TRAPPC11: variants seen among roughly 807,000 people sequenced by gnomAD.
TRAPPC11 encodes the protein trafficking protein particle complex subunit 11, also known as foie gras homolog.
In TRAPPC11, 104 loss-of-function variants were observed where a neutral mutation model predicts 151.2. That is an observed-to-expected ratio of 0.69 (90% CI 0.59 to 0.81). The LOEUF (loss-of-function observed/expected upper bound fraction) is 0.81, where lower values mean the gene tolerates loss of function less well. TRAPPC11 is among the 30% of genes least tolerant of loss of function. TRAPPC11 has a pLI of 0.00. For synonymous variants in TRAPPC11, 456 were observed against 472.3 expected, an observed-to-expected ratio of 0.97 and a Z score of 0.45; for missense variants, 1,230 against 1,349.6, an observed-to-expected ratio of 0.91 and a Z score of 1.39.
chr4:183,675,367 T>A (rs939498323), intron 7 of TRAPPC11, 130 bp downstream of exon 7: 3 of 460,008 alleles, frequency 6.5e-6, no homozygotes, highest in East Asian at 3.6e-5. Flanking sequence ...TAGGAATTAG[T>A]GTAGAGATGA....
rs766663316 is a variant in TRAPPC11, at chr4:183,693,110, G to A, written c.2200G>A (p.Val734Ile). Residue 734 changes from valine (V) to isoleucine (I), a missense_variant, in exon 20 of 30, where the codon GTT (valine) becomes ATT (isoleucine). Transcript: ENST00000334690. ...KRRPKLPDNE[V>I]HWDSIIIQAS... Reference sequence around the variant, plus strand: ...GCGACCTAAGCTACCTGACAATGAAGTTCACTGGGACAGCATTATAATTCA... The same window carrying A: ...GCGACCTAAGCTACCTGACAATGAAATTCACTGGGACAGCATTATAATTCA... 1.9e-6 allele frequency: 3 copies of A among 1,611,714 alleles called. No homozygotes were observed. The highest frequency in any genetic ancestry group is 2.7e-5 in the African/African-American group (2 of 74,866).
At chr4:183,682,696 A>G in intron 10 of TRAPPC11, 36 bp from the exon 11 acceptor site, 1 of 1,484,120 alleles carries the variant, frequency 6.7e-7, no homozygotes, top group Non-Finnish European at 9.2e-7. Context: ...GATGAGTTCC[A>G]TAAACTATTA....
chr4:183,660,776 C>T (rs548826098), intron 1 of TRAPPC11, among the ~76,000 whole-genome samples: 3 of 152,282 alleles, frequency 2.0e-5, no homozygotes, highest in South Asian at 2.1e-4. Flanking sequence ...TGCAGTGGTG[C>T]GATCTCGGCT....
At chr4:183,670,339 C>T (rs1735091912) in intron 5 of TRAPPC11, among the ~76,000 whole-genome samples, 1 of 152,160 alleles carries the variant, frequency 6.6e-6, no homozygotes, top group Admixed American at 6.5e-5. Context: ...AGGCAAAATA[C>T]AGGAGTTGTC....
intron 1 of TRAPPC11, among the ~76,000 whole-genome samples, chr4:183,663,376 GGCGCC>G (rs1734660597): frequency 6.6e-6 from 1 of 152,114 alleles, no homozygotes; most frequent in East Asian, 1.9e-4. Context: ...TGGGACTACA[GGCGCC>G]CACCACCACG....
intron 3 of TRAPPC11, 60 bp downstream of exon 3, chr4:183,666,486 A>C (rs1415420974): frequency 6.5e-7 from 1 of 1,541,960 alleles, no homozygotes; most frequent in East Asian, 2.3e-5. Context: ...ATTCACTAAC[A>C]TTCCTTGAAG....
intron 23 of TRAPPC11, among the ~76,000 whole-genome samples, chr4:183,694,945 CTTTT>C (rs34556587): frequency 8.3e-6 from 1 of 119,856 alleles, no homozygotes; most frequent in Non-Finnish European, 1.7e-5. Context: ...TATGGCTTTT[CTTTT>C]TTTTTTTTTT....
intron 5 of TRAPPC11, among the ~76,000 whole-genome samples, chr4:183,669,472 A>C (rs1039393210): frequency 2.0e-5 from 3 of 152,258 alleles, no homozygotes; most frequent in Admixed American, 2.0e-4. Flanking sequence ...ATGCTTTCAT[A>C]GTCATGCCCA....
At position 183,693,965 on chromosome 4, in the gene TRAPPC11, C is replaced by T. The variant is rs1207107309; in HGVS notation, c.2435C>T (p.Thr812Ile). 2.5e-6 allele frequency: 4 copies of T among 1,613,928 alleles called. No individual in the cohort carries two copies. The highest frequency in any genetic ancestry group is 3.3e-5 in the Admixed American group (2 of 59,996). ...TQKTHVTLHG[T>I]ELCDESYPAL... is the part of the protein sequence containing the mutation. ...AAGACTCACGTGACTCTTCATGGAACAGAACTGTGTGATGAATCCTACCCG... is the reference window on the plus strand; with the variant it reads ...AAGACTCACGTGACTCTTCATGGAATAGAACTGTGTGATGAATCCTACCCG... The change falls in exon 22 of 30, where the codon ACA becomes ATA. Residue 812 changes from threonine (T) to isoleucine (I), a missense_variant. By Grantham distance (89) the Thr-to-Ile change is moderately conservative. Coordinates refer to ENST00000334690, the MANE Select transcript of TRAPPC11 (RefSeq NM_021942.6).
intron 29 of TRAPPC11, among the ~76,000 whole-genome samples, chr4:183,709,530 C>G (rs969268469): frequency 6.6e-6 from 1 of 152,174 alleles, no homozygotes; most frequent in South Asian, 2.1e-4. Context: ...AATCCCAGCA[C>G]TTTGGGAGGC....
At chr4:183,669,827 C>G (rs1025901731) in intron 5 of TRAPPC11, among the ~76,000 whole-genome samples, 1 of 152,232 alleles carries the variant, frequency 6.6e-6, no homozygotes, top group Non-Finnish European at 1.5e-5. Flanking sequence ...CCCACCACAG[C>G]TTTCAAATTT....
intron 5 of TRAPPC11, among the ~76,000 whole-genome samples, chr4:183,673,994 T>C (rs992381524): frequency 1.3e-5 from 2 of 152,224 alleles, no homozygotes; most frequent in South Asian, 2.1e-4. Context: ...AGTTTTCTTA[T>C]TCTTTTAAAT....
chr4:183,676,981 T>G (rs1362972916), intron 7 of TRAPPC11, among the ~76,000 whole-genome samples: 1 of 152,188 alleles, frequency 6.6e-6, no homozygotes, highest in Non-Finnish European at 1.5e-5. Flanking sequence ...GCCAGGCTGA[T>G]CTGAAACTCC....
At chr4:183,659,745 C>T (rs1265884886) in intron 1 of TRAPPC11, among the ~76,000 whole-genome samples, 1 of 152,202 alleles carries the variant, frequency 6.6e-6, no homozygotes, top group East Asian at 1.9e-4. Context: ...GTTTCTCCTA[C>T]GTTGGATTGT....
At chr4:183,672,232 G>A (rs1024322604) in intron 5 of TRAPPC11, among the ~76,000 whole-genome samples, 3 of 152,220 alleles carry the variant, frequency 2.0e-5, no homozygotes, top group Non-Finnish European at 4.4e-5. Flanking sequence ...GCTTGAAGGT[G>A]TGGATTAGTG....
chr4:183,693,141 G>A lies in TRAPPC11; in HGVS notation c.2231G>A (p.Ser744Asn), dbSNP rs1736342623. Residue 744 changes from serine to asparagine, a missense_variant, in exon 20 of 30, where the codon AGC becomes AAC. Ser to Asn is a conservative substitution (Grantham distance 46). Coordinates refer to ENST00000334690, the MANE Select transcript of TRAPPC11 (RefSeq NM_021942.6). ...VHWDSIIIQA[S>N]TMIISRVPNI... ...TGGGACAGCATTATAATTCAGGCAA[G>A]CACAATGTAAGTCTGCTTTGCTAAG... 1 of 1,595,614 alleles carries A rather than the reference G, an allele frequency of 6.3e-7. No individual in the cohort carries two copies. Among genetic ancestry groups the A allele is most frequent in the Non-Finnish European group, 8.6e-7 (1 of 1,168,924 alleles).
At chr4:183,687,087 A>G (rs1040490343) in intron 18 of TRAPPC11, among the ~76,000 whole-genome samples, 1 of 152,162 alleles carries the variant, frequency 6.6e-6, no homozygotes, top group Non-Finnish European at 1.5e-5. Context: ...AGGCTGAGGC[A>G]GGAGAATCAC....
intron 25 of TRAPPC11, 38 bp downstream of exon 25, chr4:183,697,873 TTGTGCGCGCGTGTGTG>T: frequency 6.3e-7 from 1 of 1,578,956 alleles, no homozygotes; most frequent in Middle Eastern, 2.0e-4. Context: ...ACCAGGAGAA[TTGTGCGCGCGTGTGTG>T]TGTGTGTGTA....
intron 29 of TRAPPC11, among the ~76,000 whole-genome samples, chr4:183,710,582 G>A (rs952132766): frequency 3.7e-4 from 56 of 151,432 alleles, no homozygotes; most frequent in Non-Finnish European, 7.2e-4. Context: ...CACTGCGCCC[G>A]GCCTAACATT....
Sources: gnomAD v4.1 joint callset for allele counts (sites outside exome capture counted in the v4.1 genomes callset) on GRCh38, gnomAD v4.1.1 for gene constraint, MANE v1.5 for transcripts, NCBI Gene and HGNC (gene_info 2026-07-23, HGNC 2026-07-21) for gene names.